CCDC171: variants seen among roughly 807,000 people sequenced by gnomAD.
CCDC171 encodes coiled-coil domain-containing protein 171.
A neutral mutation model predicts 168.2 loss-of-function variants in CCDC171; 177 were observed. That is an observed-to-expected ratio of 1.05 (90% confidence interval 0.93 to 1.19). The LOEUF (loss-of-function observed/expected upper bound fraction) is 1.19, where lower values mean the gene tolerates loss of function less well. Among genes scored for constraint, CCDC171 ranks in the 50% most tolerant of loss-of-function variants. The probability of loss-of-function intolerance (pLI) is 0.00; values close to 1 mark genes in which losing one functional copy is unlikely to be tolerated. For synonymous variants in CCDC171, 687 were observed against 540.8 expected (o/e 1.27, Z -3.75); for missense variants, 1,991 against 1,539.0 (o/e 1.29, Z -4.91).
chr9:15,905,142 G>C (rs1394802554), intron 24 of CCDC171, among the ~76,000 whole-genome samples: 2 of 152,180 alleles, frequency 1.3e-5, no homozygotes, highest in East Asian at 3.9e-4. Flanking sequence ...AGATATCCAG[G>C]AATTGAACTC....
At chr9:15,640,976 A>G (rs1297902408) in intron 7 of CCDC171, among the ~76,000 whole-genome samples, 2 of 152,142 alleles carry the variant, frequency 1.3e-5, no homozygotes, top group Non-Finnish European at 2.9e-5. Context: ...CATGCATATA[A>G]TAAAATATTA....
At chr9:15,794,336 G>A (rs1309864565) in intron 21 of CCDC171, among the ~76,000 whole-genome samples, 5 of 151,966 alleles carry the variant, frequency 3.3e-5, no homozygotes. Context: ...ATGTTGGTGG[G>A]CACCTGCAAT....
chr9:15,698,453 G>A (rs937182244), intron 11 of CCDC171, among the ~76,000 whole-genome samples: 3 of 151,168 alleles, frequency 2.0e-5, no homozygotes, highest in Admixed American at 6.6e-5. Flanking sequence ...CCTGGGAGGC[G>A]GAGCTTGCAG....
intron 16 of CCDC171, among the ~76,000 whole-genome samples, chr9:15,738,724 G>C (rs893790945): frequency 2.6e-5 from 4 of 152,198 alleles, no homozygotes; most frequent in African/African-American, 9.6e-5. Flanking sequence ...CAATACCTCT[G>C]AAAGTAGTTC....
At chr9:15,799,787 C>T (rs1296567455) in intron 21 of CCDC171, among the ~76,000 whole-genome samples, 1 of 152,012 alleles carries the variant, frequency 6.6e-6, no homozygotes, top group Non-Finnish European at 1.5e-5. Flanking sequence ...CTCTTCTCTG[C>T]CTCTGGTAAC....
At chr9:15,622,969 G>A (rs897942300) in intron 6 of CCDC171, among the ~76,000 whole-genome samples, 1 of 152,146 alleles carries the variant, frequency 6.6e-6, no homozygotes, top group Non-Finnish European at 1.5e-5. Context: ...TTGAACTACT[G>A]CATTATATAA....
At chr9:15,730,038 C>T (rs1319812482) in intron 16 of CCDC171, among the ~76,000 whole-genome samples, 1 of 151,680 alleles carries the variant, frequency 6.6e-6, no homozygotes, top group Non-Finnish European at 1.5e-5. Flanking sequence ...TTAAAATATC[C>T]CAAAATGCAT....
chr9:15,949,840 A>C (rs1008193142), intron 25 of CCDC171, among the ~76,000 whole-genome samples: 1 of 152,066 alleles, frequency 6.6e-6, no homozygotes, highest in African/African-American at 2.4e-5. Context: ...TTCTAACACT[A>C]TGTTGAATAG....
chr9:15,772,827 A>G (rs964417005), intron 18 of CCDC171, among the ~76,000 whole-genome samples: 1 of 152,182 alleles, frequency 6.6e-6, no homozygotes, highest in African/African-American at 2.4e-5. Context: ...TATGGCCATG[A>G]CTACAGAGAA....
intron 21 of CCDC171, among the ~76,000 whole-genome samples, chr9:15,785,952 G>A (rs2057930410): frequency 6.6e-6 from 1 of 151,688 alleles, no homozygotes; most frequent in African/African-American, 2.4e-5. Flanking sequence ...TGTAAATGTT[G>A]AAACTGGGAT....
At chr9:16,016,344 C>G (rs1431927816) in intron 3 of CCDC171, among the ~76,000 whole-genome samples, 1 of 152,168 alleles carries the variant, frequency 6.6e-6, no homozygotes, top group Admixed American at 6.5e-5. Context: ...TGCCTTCCCT[C>G]AGCCTCTTTT....
chr9:15,740,370 C>G (rs1409721496), intron 16 of CCDC171, among the ~76,000 whole-genome samples: 1 of 141,030 alleles, frequency 7.1e-6, no homozygotes, highest in Non-Finnish European at 1.5e-5. Context: ...TCTAGCTGTT[C>G]TGTTCCATTG....
intron 7 of CCDC171, among the ~76,000 whole-genome samples, chr9:15,625,754 G>C (rs1030369361): frequency 6.6e-6 from 1 of 152,182 alleles, no homozygotes; most frequent in Non-Finnish European, 1.5e-5. Flanking sequence ...GTAGCGTGAT[G>C]CCTCCAGCTT....
the CCDC171 span, among the ~76,000 whole-genome samples, chr9:16,100,732 C>T: frequency 2.6e-5 from 4 of 152,160 alleles, no homozygotes; most frequent in Non-Finnish European, 4.4e-5. Context: ...AGCCAAGCCT[C>T]GCTCCCAAGG....
chr9:15,687,679 C>G (rs1051030892), intron 10 of CCDC171, among the ~76,000 whole-genome samples: 4 of 152,176 alleles, frequency 2.6e-5, no homozygotes, highest in African/African-American at 9.6e-5. Context: ...TTACTGAAAT[C>G]ATGAACGAAA....
chr9:16,076,525 T>G, the CCDC171 span, among the ~76,000 whole-genome samples: 6 of 152,330 alleles, frequency 3.9e-5, no homozygotes, highest in Middle Eastern at 3.4e-3. Context: ...GGAGCTGTGG[T>G]GGTCCTGTGC....
At chr9:15,983,177 C>T (rs1170091416) in intron 3 of CCDC171, among the ~76,000 whole-genome samples, 1 of 152,028 alleles carries the variant, frequency 6.6e-6, no homozygotes, top group African/African-American at 2.4e-5. Context: ...ACCCCCTTCC[C>T]CTTTCCTCTT....
chr9:15,979,713 A>T (rs1831733865), intron 3 of CCDC171, among the ~76,000 whole-genome samples: 2 of 149,218 alleles, frequency 1.3e-5, no homozygotes, highest in Admixed American at 6.7e-5. Context: ...TTTGTTGGAG[A>T]TTTTGCATCT....
chr9:16,034,050 G>C (rs1245307127), intron 6 of CCDC171, among the ~76,000 whole-genome samples: 1 of 152,200 alleles, frequency 6.6e-6, no homozygotes, highest in Non-Finnish European at 1.5e-5. Flanking sequence ...TGAAGATCAA[G>C]TGCTTATCTC....
Sources: allele counts gnomAD v4.1 joint callset (sites outside exome capture counted in the v4.1 genomes callset), GRCh38; gene constraint gnomAD v4.1.1; transcripts MANE v1.5; gene names NCBI Gene and HGNC (gene_info 2026-07-23, HGNC 2026-07-21).